Variants in POLR3E observed in about 807,000 individuals in gnomAD.
POLR3E encodes DNA-directed RNA polymerase III subunit RPC5.
A neutral mutation model predicts 96.6 loss-of-function variants in POLR3E; 41 were observed. The observed-to-expected ratio is 0.42, with a 90% CI of 0.33 to 0.55. The LOEUF (loss-of-function observed/expected upper bound fraction) is 0.55. Ranked by LOEUF, POLR3E falls within the 20% of genes least tolerant of loss-of-function variation. The pLI is 0.06. For synonymous variants in POLR3E, 396 were observed against 383.6 expected (o/e 1.03, Z -0.38); for missense variants, 849 against 952.1 (o/e 0.89, Z 1.43).
chr16:22,304,672 G>A (rs905874752), intron 2 of POLR3E, among the ~76,000 whole-genome samples: 3 of 152,144 alleles, frequency 2.0e-5, no homozygotes, highest in Admixed American at 6.5e-5. Context: ...GCGGGGTGGG[G>A]GTGGTTAGTG....
intron 8 of POLR3E, chr16:22,314,854 C>A: frequency 2.6e-6 from 1 of 390,058 alleles, no homozygotes. Flanking sequence ...GACTCTAATC[C>A]CCCTCAAGCC....
intron 3 of POLR3E, chr16:22,305,507 A>G (rs1249099014): frequency 1.6e-6 from 1 of 610,298 alleles, no homozygotes. Context: ...AAGTTTCTTA[A>G]TCCTTCTGTG....
At chr16:22,330,608 G>A (rs1281370701) in intron 19 of POLR3E, among the ~76,000 whole-genome samples, 2 of 152,112 alleles carry the variant, frequency 1.3e-5, no homozygotes, top group African/African-American at 2.4e-5. Context: ...TGCTTCTCCA[G>A]TGAGACTCGC....
intron 13 of POLR3E, among the ~76,000 whole-genome samples, chr16:22,321,873 G>T (rs1160449098): frequency 6.6e-6 from 1 of 152,216 alleles, no homozygotes; most frequent in African/African-American, 2.4e-5. Flanking sequence ...CTGGGTGAGG[G>T]TCCTGTGTGT....
intron 18 of POLR3E, chr16:22,328,296 C>G (rs537576031): frequency 4.2e-5 from 24 of 566,546 alleles, no homozygotes; most frequent in Non-Finnish European, 6.7e-5. Context: ...GAAGCCCTGT[C>G]AGGCCCTGGG....
intron 3 of POLR3E, among the ~76,000 whole-genome samples, 171 bp from the exon 4 acceptor site, chr16:22,307,977 G>A (rs2048169214): frequency 6.6e-6 from 1 of 152,194 alleles, no homozygotes; most frequent in Non-Finnish European, 1.5e-5. Flanking sequence ...GCTGCGGGTG[G>A]AGACTGGCAG....
intron 13 of POLR3E, among the ~76,000 whole-genome samples, chr16:22,320,334 T>C (rs1050813384): frequency 2.6e-5 from 4 of 152,132 alleles, no homozygotes; most frequent in Non-Finnish European, 5.9e-5. Context: ...CAGTCTCAGC[T>C]CACTGCAACC....
At chr16:22,325,607 G>A (rs952555552) in intron 17 of POLR3E, among the ~76,000 whole-genome samples, 154 bp from the exon 18 acceptor site, 1 of 152,176 alleles carries the variant, frequency 6.6e-6, no homozygotes, top group African/African-American at 2.4e-5. Context: ...ACGCTGGGAC[G>A]GTTCTCTCTT....
chr16:22,299,999 G>C (rs575186316), intron 1 of POLR3E, among the ~76,000 whole-genome samples: 5 of 152,310 alleles, frequency 3.3e-5, no homozygotes, highest in Admixed American at 1.3e-4. Flanking sequence ...ACCGGCATGA[G>C]CCACCATGCC....
chr16:22,317,231 C>CG, intron 12 of POLR3E, 25 bp downstream of exon 12: 1 of 1,569,772 alleles, frequency 6.4e-7, no homozygotes, highest in Non-Finnish European at 8.7e-7. Flanking sequence ...CCTGCCCACC[C>CG]GGGGGCCCCA....
At chr16:22,301,676 A>G (rs1034186214) in intron 1 of POLR3E, among the ~76,000 whole-genome samples, 1 of 152,234 alleles carries the variant, frequency 6.6e-6, no homozygotes, top group Non-Finnish European at 1.5e-5. Flanking sequence ...CTGTAATCCC[A>G]GCACTTTGGG....
chr16:22,317,508 C>T (rs1210305871), intron 12 of POLR3E, among the ~76,000 whole-genome samples: 2 of 151,766 alleles, frequency 1.3e-5, no homozygotes, highest in Non-Finnish European at 2.9e-5. Flanking sequence ...AGGTCATGAA[C>T]CTTTCTGAGG....
At chr16:22,304,232 C>T (rs1218705560) in intron 2 of POLR3E, among the ~76,000 whole-genome samples, 1 of 152,202 alleles carries the variant, frequency 6.6e-6, no homozygotes, top group Non-Finnish European at 1.5e-5. Flanking sequence ...CCTTCAGCCT[C>T]CTTATATGCG....
At chr16:22,320,073 A>C (rs893742074) in intron 13 of POLR3E, among the ~76,000 whole-genome samples, 1 of 152,246 alleles carries the variant, frequency 6.6e-6, no homozygotes, top group African/African-American at 2.4e-5. Context: ...GACTTAACAC[A>C]TTTTAATGTT....
At chr16:22,329,376 C>G (rs745844338) in intron 19 of POLR3E, among the ~76,000 whole-genome samples, 11 of 152,192 alleles carry the variant, frequency 7.2e-5, no homozygotes, top group Non-Finnish European at 1.2e-4. Context: ...TGAGTGGAAG[C>G]AGCAGCGCCT....
In POLR3E at chr16:22,333,971, G is replaced by A; in HGVS notation, c.*271G>A. 1 of 389,934 alleles carries A rather than the reference G, an allele frequency of 2.6e-6. No homozygotes were observed. The highest frequency in any genetic ancestry group is 4.6e-6 in the Non-Finnish European group (1 of 218,228). 24.2% of individuals were successfully genotyped at this position (389,934 alleles called of 1,614,324 possible). On this transcript the variant is annotated 3_prime_UTR_variant, in exon 21 of 21. Transcript: ENST00000299853. ...TCCTGATGTATTTTGCTTATTATTT[G>A]GTTTCATTCTCATAATAAAGAGAGT...
chr16:22,308,618 G>A (rs751135567), intron 4 of POLR3E: 4 of 450,734 alleles, frequency 8.9e-6, no homozygotes, highest in Non-Finnish European at 1.6e-5. Context: ...TTCAAGAGAA[G>A]TGGGAAATAA....
chr16:22,303,088 G>GA, intron 2 of POLR3E, 84 bp downstream of exon 2: 1 of 1,259,644 alleles, frequency 7.9e-7, no homozygotes, highest in Non-Finnish European at 1.2e-6. Context: ...GCCAGTCTGG[G>GA]ACCTGTTGAT....
rs889756713 is a variant in POLR3E at position 22,325,846 on chromosome 16, G to C, written c.1434G>C (p.Glu478Asp). 1.9e-6 allele frequency: 3 copies of C among 1,612,270 alleles called. No homozygotes were observed. In the East Asian group the frequency reaches 6.7e-5, roughly 36 times the overall value. Residue 478 changes from glutamate (E) to aspartate (D), a missense_variant, in exon 18 of 21, where the codon GAG becomes GAC. Coordinates refer to ENST00000299853, the MANE Select transcript of POLR3E (RefSeq NM_018119.4). ...AQQNHALLER[E>D]LQRRKEQLRV... is the part of the protein sequence containing the mutation. The stretch of plus-strand genomic sequence containing the variant: ...AGAACCACGCGTTGCTGGAGCGGGA[G>C]CTGCAGCGGCGGAAGGAGCAGCTGC...
Sources: gnomAD v4.1 joint callset for allele counts (sites outside exome capture counted in the v4.1 genomes callset) on GRCh38, gnomAD v4.1.1 for gene constraint, MANE v1.5 for transcripts, NCBI Gene and HGNC (gene_info 2026-07-23, HGNC 2026-07-21) for gene names.